ADAM12: variants seen among roughly 807,000 people sequenced by gnomAD.
ADAM12 encodes the protein disintegrin and metalloproteinase domain-containing protein 12.
A neutral mutation model predicts 106.4 loss-of-function variants in ADAM12; 70 were observed. The observed-to-expected ratio is 0.66, with a 90% CI of 0.54 to 0.80. The LOEUF (loss-of-function observed/expected upper bound fraction) is 0.80. ADAM12 is among the 30% of genes least tolerant of loss of function. The pLI is 0.00. For synonymous variants in ADAM12, 420 were observed against 433.5 expected (o/e 0.97, Z 0.39); for missense variants, 1,010 against 1,171.9 (o/e 0.86, Z 2.02).
chr10:126,034,163 G>C (rs1320727569), intron 21 of ADAM12, among the ~76,000 whole-genome samples: 1 of 152,196 alleles, frequency 6.6e-6, no homozygotes, highest in Admixed American at 6.5e-5. Context: ...TTGACTAGTA[G>C]ACTGTGATAA....
intron 2 of ADAM12, among the ~76,000 whole-genome samples, chr10:126,317,089 C>A (rs1234615625): frequency 6.6e-6 from 1 of 152,226 alleles, no homozygotes; most frequent in South Asian, 2.1e-4. Context: ...AACTATGTTG[C>A]CTCCATATAC....
chr10:126,327,135 C>CG (rs1564735426), intron 2 of ADAM12, among the ~76,000 whole-genome samples: 3 of 152,100 alleles, frequency 2.0e-5, no homozygotes, highest in African/African-American at 7.2e-5. Flanking sequence ...GTCAGAGCCC[C>CG]GGAGCCATGG....
At chr10:126,105,483 G>A (rs149338804) in intron 8 of ADAM12, among the ~76,000 whole-genome samples, 231 of 152,258 alleles carry the variant, frequency 1.5e-3, no homozygotes, top group African/African-American at 5.2e-3. Flanking sequence ...TGGCACCTGC[G>A]CTCCCAGCTC....
At position 126,388,111 on chromosome 10, in the gene ADAM12, CG is replaced by C; in HGVS notation, c.34del (p.Arg12AlafsTer20). On this transcript the variant is annotated frameshift_variant, in exon 1 of 23. Coordinates refer to ENST00000448723, the MANE Select transcript of ADAM12 (RefSeq NM_001288973.2). LOFTEE classifies it high-confidence loss of function. The surrounding 1 kb of genome is among the most constrained non-coding windows in gnomAD (Gnocchi z 4.4). ...ACCGGCCAGGGCGAGCAGGAGGGCGCGGGCGGGGGACACGGGCAGCGGGCGC... is the reference window on the plus strand; with the variant it reads ...ACCGGCCAGGGCGAGCAGGAGGGCGCGGCGGGGGACACGGGCAGCGGGCGC... ...AARPLPVSPA[R>X]ALLLALAGAL... is the part of the protein sequence containing the mutation. 8.1e-7 allele frequency: 1 copy of C among 1,227,280 alleles called. No individual in the cohort carries two copies. Among genetic ancestry groups the C allele is most frequent in the African/African-American group, 1.6e-5 (1 of 64,278 alleles). The allele number at this position is 1,227,280 out of a possible 1,614,324, so 76.0% of individuals were successfully genotyped here. A position where few individuals can be genotyped will look rare whatever the true frequency, so the allele number is the denominator to read the frequency against.
intron 1 of ADAM12, among the ~76,000 whole-genome samples, chr10:126,340,014 C>T (rs11244960): frequency 0.15 from 23,119 of 152,022 alleles, 2,109 homozygotes; most frequent in Middle Eastern, 0.28. Flanking sequence ...ACCACCACAC[C>T]TAGTGAATTT....
intron 3 of ADAM12, among the ~76,000 whole-genome samples, chr10:126,164,406 C>A (rs75870546): frequency 5.9e-5 from 9 of 152,116 alleles, no homozygotes; most frequent in Non-Finnish European, 1.2e-4. Context: ...AGCATCCAAC[C>A]GAGTTTTTTG....
At chr10:126,178,054 T>C (rs1309915369) in intron 3 of ADAM12, among the ~76,000 whole-genome samples, 1 of 152,226 alleles carries the variant, frequency 6.6e-6, no homozygotes, top group East Asian at 1.9e-4. Context: ...CGGGAAAGTT[T>C]TGTGTTTTAT....
rs34277276 is a variant in ADAM12 at position 126,038,952 on chromosome 10, C to CTTTTTTTTTT, written c.2240+332_2240+341dup. 1.1e-3 allele frequency among the ~76,000 whole-genome samples: 79 copies of CTTTTTTTTTT among 71,558 alleles called. 3 individuals are homozygous for CTTTTTTTTTT. Among genetic ancestry groups the CTTTTTTTTTT allele is most frequent in the African/African-American group, 3.3e-3 (62 of 18,702 alleles). 46.9% of individuals were successfully genotyped at this position (71,558 alleles called of 152,430 possible). On this transcript the variant is annotated intron_variant, in intron 19 of 22. Coordinates refer to ENST00000448723, the MANE Select transcript of ADAM12 (RefSeq NM_001288973.2). ...CTGTACATTTTCTGAGACACCATTT[C>CTTTTTTTTTT]TTTTTTTTTTTTTTTTTTTTTTTTT...
intron 2 of ADAM12, among the ~76,000 whole-genome samples, chr10:126,328,197 A>G (rs1854374670): frequency 6.6e-6 from 1 of 152,238 alleles, no homozygotes; most frequent in Admixed American, 6.5e-5. Flanking sequence ...GGTGGCAGAA[A>G]GCGTGTCTGC....
chr10:126,068,391 C>G (rs900046167), intron 12 of ADAM12, among the ~76,000 whole-genome samples: 5 of 152,222 alleles, frequency 3.3e-5, no homozygotes, highest in African/African-American at 4.8e-5. Context: ...ATCTTCCCCC[C>G]TCTCTCAAAT....
At chr10:126,367,282 T>C (rs2133913655) in intron 1 of ADAM12, among the ~76,000 whole-genome samples, 1 of 151,872 alleles carries the variant, frequency 6.6e-6, no homozygotes, top group East Asian at 1.9e-4. Context: ...ATCTCAAATA[T>C]TCAGAAATTT....
chr10:126,071,840 C>T lies in ADAM12; in HGVS notation c.1146-186G>A, dbSNP rs373415965. ...AAGTGAGGCACATTCAGTTCCATCC[C>T]GACATCCATTCCGTACAGTGCCAAC... is the stretch of plus-strand genomic sequence containing the variant. On this transcript the variant is annotated intron_variant, in intron 11 of 22. Coordinates refer to ENST00000448723, the MANE Select transcript of ADAM12 (RefSeq NM_001288973.2). Among the ~76,000 whole-genome samples the T allele has an allele frequency of 2.3e-4, 35 of 152,280 alleles. No homozygotes were observed. In the South Asian group the frequency reaches 2.9e-3, roughly 13 times the overall value.
At chr10:126,372,419 T>G (rs1001180950) in intron 1 of ADAM12, among the ~76,000 whole-genome samples, 4 of 152,120 alleles carry the variant, frequency 2.6e-5, no homozygotes, top group African/African-American at 9.7e-5. Flanking sequence ...ATAAACTAAG[T>G]TCAGAAAGAT....
intron 2 of ADAM12, among the ~76,000 whole-genome samples, chr10:126,325,207 A>G (rs1025429814): frequency 1.3e-5 from 2 of 152,174 alleles, no homozygotes; most frequent in African/African-American, 4.8e-5. Flanking sequence ...AGGAGAGGGA[A>G]TGGGTATCAA....
chr10:126,220,379 T>C (rs1409047273), intron 3 of ADAM12, among the ~76,000 whole-genome samples: 2 of 152,202 alleles, frequency 1.3e-5, no homozygotes. Flanking sequence ...TCAAGGCTTA[T>C]TAGCCCTCAC....
chr10:126,056,338 G>C (rs538689099), intron 14 of ADAM12, among the ~76,000 whole-genome samples: 1 of 152,198 alleles, frequency 6.6e-6, no homozygotes, highest in Non-Finnish European at 1.5e-5. Flanking sequence ...GGAGAGGCAG[G>C]CTATGATTTC....
chr10:126,214,442 T>C (rs1367995069), intron 3 of ADAM12, among the ~76,000 whole-genome samples: 1 of 152,176 alleles, frequency 6.6e-6, no homozygotes, highest in Non-Finnish European at 1.5e-5. Context: ...TATATAAATA[T>C]TTGCTACTAT....
intron 1 of ADAM12, among the ~76,000 whole-genome samples, chr10:126,381,982 A>G (rs1168861424): frequency 6.6e-6 from 1 of 151,978 alleles, no homozygotes; most frequent in African/African-American, 2.4e-5. Context: ...CTCAAAAAAA[A>G]AAAAACAATA....
In ADAM12 at chr10:126,231,504, A is replaced by G. The variant is rs138830212; in HGVS notation, c.260+47411T>C. Among the ~76,000 whole-genome samples, 987 of 152,196 alleles carry G rather than the reference A, an allele frequency of 6.5e-3. 8 individuals are homozygous for G. Among genetic ancestry groups the G allele is most frequent in the Non-Finnish European group, 0.011 (776 of 67,992 alleles). Reference sequence around the variant, plus strand: ...CCTAATTCTAGCTACTGCGCCATCTATAGCAACTCCCTCCCATGAGTGGTC... The same window carrying G: ...CCTAATTCTAGCTACTGCGCCATCTGTAGCAACTCCCTCCCATGAGTGGTC... On this transcript the variant is annotated intron_variant, in intron 3 of 22. Coordinates refer to ENST00000448723, the MANE Select transcript of ADAM12 (RefSeq NM_001288973.2).
Sources: allele counts gnomAD v4.1 joint callset (sites outside exome capture counted in the v4.1 genomes callset), GRCh38; gene constraint gnomAD v4.1.1; non-coding constraint Gnocchi (gnomAD v3.1); transcripts MANE v1.5; gene names NCBI Gene and HGNC (gene_info 2026-07-23, HGNC 2026-07-21).